The following GIPC2 variants were observed in gnomAD, a reference collection of about 807,000 sequenced individuals.
GIPC2 encodes the protein PDZ domain-containing protein GIPC2.
In GIPC2, 30 loss-of-function variants were observed where a neutral mutation model predicts 30.6. That is an observed-to-expected ratio of 0.98 (90% CI 0.73 to 1.33). The LOEUF (loss-of-function observed/expected upper bound fraction) is 1.33. GIPC2 is among the 40% of genes most tolerant of loss of function. The pLI, the probability that GIPC2 is intolerant of heterozygous loss-of-function variation, is 0.00. For synonymous variants in GIPC2, 167 were observed against 150.0 expected (o/e 1.11, Z -0.83); for missense variants, 414 against 390.3 (o/e 1.06, Z -0.51).
chr1:78,044,984 C>T (rs1661041469), upstream of GIPC2: 1 of 478,422 alleles, frequency 2.1e-6, no homozygotes, highest in Non-Finnish European at 2.7e-6. Flanking sequence ...GTGAATGCAA[C>T]TCCTGGAGAC....
chr1:78,054,212 G>T (rs1453023959), intron 1 of GIPC2, among the ~76,000 whole-genome samples: 1 of 152,130 alleles, frequency 6.6e-6, no homozygotes, highest in Non-Finnish European at 1.5e-5. Flanking sequence ...ACCTGCTATT[G>T]CATGATTTTT....
chr1:78,115,932 A>T (rs532670292), intron 3 of GIPC2, among the ~76,000 whole-genome samples: 2 of 152,372 alleles, frequency 1.3e-5, no homozygotes, highest in African/African-American at 4.8e-5. Context: ...ATAGATTCCT[A>T]ATAGCAAAAC....
At chr1:78,051,091 T>G (rs6677890) in intron 1 of GIPC2, among the ~76,000 whole-genome samples, 138,096 of 151,992 alleles carry the variant, frequency 0.91, 62,922 homozygotes, top group African/African-American at 0.95. Flanking sequence ...TATGTGGAAA[T>G]ATTGTAGGAA....
At chr1:78,132,698 T>TGTGTGTAG (rs1553146045) in intron 5 of GIPC2, among the ~76,000 whole-genome samples, 4 of 150,318 alleles carry the variant, frequency 2.7e-5, no homozygotes, top group East Asian at 2.0e-4. Context: ...TGTGTGTGTG[T>TGTGTGTAG]AGAGAGAGAA....
rs1418414388 is a variant in GIPC2 at position 78,046,305 on chromosome 1, G to C, written c.211G>C (p.Ala71Pro). 6.2e-7 allele frequency: 1 copy of C among 1,611,508 alleles called. No homozygotes were observed. The highest frequency in any genetic ancestry group is 8.5e-7 in the Non-Finnish European group (1 of 1,179,488). ...CATCCAGGAGCTCTACGCCCAGATC[G>C]CGGGCGCGTTTGAAATCTCGCCGTC... ...SSIQELYAQI[A>P]GAFEISPSEI... is the part of the protein sequence containing the mutation. The change falls in exon 1 of 6, where the codon GCG (alanine) becomes CCG (proline). Residue 71 changes from alanine to proline, a missense_variant. Physicochemically the swap from Ala to Pro is conservative, Grantham distance 27. Transcript: ENST00000370759.
At chr1:78,060,966 G>A (rs1314969012) in intron 1 of GIPC2, among the ~76,000 whole-genome samples, 1 of 151,874 alleles carries the variant, frequency 6.6e-6, no homozygotes, top group East Asian at 1.9e-4. Context: ...AGTGGGAGAA[G>A]AACAGGAGTA....
chr1:78,133,015 A>G (rs565826724), intron 5 of GIPC2, among the ~76,000 whole-genome samples: 2 of 152,340 alleles, frequency 1.3e-5, no homozygotes, highest in East Asian at 3.9e-4. Flanking sequence ...TCACCTTAAC[A>G]TTCTGGCTAC....
At position 78,135,816 on chromosome 1, in the gene GIPC2, C is replaced by CTTATAGGACT; in HGVS notation, c.*74_*75insTATAGGACTT. ...TCTTTTTTAAAAAGTCCTATAAGAT[C>CTTATAGGACT]TGTTTTTGGACACCTTTACTAACTC... is the stretch of plus-strand genomic sequence containing the variant. On this transcript the variant is annotated 3_prime_UTR_variant, in exon 6 of 6. Transcript: ENST00000370759. 8.0e-7 allele frequency: 1 copy of CTTATAGGACT among 1,249,972 alleles called. No individual in the cohort carries two copies. The highest frequency in any genetic ancestry group is 1.1e-6 in the Non-Finnish European group (1 of 880,370). The allele number at this position is 1,249,972 out of a possible 1,614,324, so 77.4% of individuals were successfully genotyped here.
chr1:78,091,527 C>G (rs1422825376), intron 2 of GIPC2: 2 of 742,112 alleles, frequency 2.7e-6, no homozygotes, highest in Admixed American at 1.8e-5. Flanking sequence ...TCCAAACAGC[C>G]GTCCGAGGAG....
In GIPC2 at chr1:78,137,888, G is replaced by C. The variant is rs917590016; in HGVS notation, c.*2145G>C. 6.6e-6 allele frequency: 1 copy of C among 151,944 alleles called. No individual in the cohort carries two copies. The highest frequency in any genetic ancestry group is 2.4e-5 in the African/African-American group (1 of 41,338). 9.4% of individuals were successfully genotyped at this position (151,944 alleles called of 1,614,324 possible). A position where few individuals can be genotyped will look rare whatever the true frequency, so the allele number is the denominator to read the frequency against. On this transcript the variant is annotated 3_prime_UTR_variant, in exon 6 of 6. Coordinates refer to ENST00000370759, the MANE Select transcript of GIPC2 (RefSeq NM_017655.6). ...TTTAGTGCAGTCACATAATATATAAGTGTGGGATACCCTTCTGCAGCTTCA... is the reference window on the plus strand; with the variant it reads ...TTTAGTGCAGTCACATAATATATAACTGTGGGATACCCTTCTGCAGCTTCA...
chr1:78,070,387 A>G (rs1328113349), intron 1 of GIPC2, among the ~76,000 whole-genome samples: 4 of 152,340 alleles, frequency 2.6e-5, no homozygotes, highest in Admixed American at 2.6e-4. Flanking sequence ...GAAAGCATGG[A>G]AAATTTAACA....
In GIPC2 at chr1:78,114,084, A is replaced by G. The variant is rs1015226888; in HGVS notation, c.608-5309A>G. Among the ~76,000 whole-genome samples the G allele has an allele frequency of 2.0e-5, 3 of 152,250 alleles. No homozygotes were observed. In the South Asian group the frequency reaches 6.2e-4, roughly 32 times the overall value. ...AGGCTATGTGCAACTCCACTGTGGGAGCGGTTAGGCACCCACAAGCCGTGC... is the reference window on the plus strand; with the variant it reads ...AGGCTATGTGCAACTCCACTGTGGGGGCGGTTAGGCACCCACAAGCCGTGC... On this transcript the variant is annotated intron_variant, in intron 3 of 5. Transcript: ENST00000370759.
chr1:78,045,665 G>A, upstream of GIPC2: 1 of 985,476 alleles, frequency 1.0e-6, no homozygotes, highest in Non-Finnish European at 1.2e-6. Flanking sequence ...ATCCCCGAAA[G>A]TCCAGACGTA....
intron 1 of GIPC2, among the ~76,000 whole-genome samples, chr1:78,048,746 A>T (rs1177725470): frequency 1.3e-5 from 2 of 151,758 alleles, no homozygotes; most frequent in East Asian, 3.9e-4. Context: ...CCATGAAGCT[A>T]TATTGTTACC....
intron 3 of GIPC2, among the ~76,000 whole-genome samples, chr1:78,100,147 A>C (rs1009708186): frequency 6.6e-6 from 1 of 152,244 alleles, no homozygotes; most frequent in African/African-American, 2.4e-5. Context: ...TAATTTGTTC[A>C]GTGTGAGAGA....
upstream of GIPC2, chr1:78,045,930 C>T (rs932105801): frequency 7.4e-7 from 1 of 1,353,982 alleles, no homozygotes. Flanking sequence ...TGCTCCGGTC[C>T]AGGGGTGGAG....
At chr1:78,076,564 A>G (rs1199852283) in intron 1 of GIPC2, among the ~76,000 whole-genome samples, 2 of 152,056 alleles carry the variant, frequency 1.3e-5, no homozygotes, top group Non-Finnish European at 2.9e-5. Flanking sequence ...TCATGCTCCT[A>G]TGAGAGTGTA....
intron 4 of GIPC2, among the ~76,000 whole-genome samples, chr1:78,121,461 G>C (rs1662681932): frequency 6.6e-6 from 1 of 152,114 alleles, no homozygotes; most frequent in African/African-American, 2.4e-5. Context: ...AGAACTTGTT[G>C]GGTGACAAGG....
At position 78,135,868 on chromosome 1, in the gene GIPC2, T is replaced by A; in HGVS notation, c.*125T>A. 2.9e-6 allele frequency: 2 copies of A among 699,106 alleles called. No individual in the cohort carries two copies. Among genetic ancestry groups the A allele is most frequent in the Non-Finnish European group, 4.6e-6 (2 of 437,186 alleles). The allele number at this position is 699,106 out of a possible 1,614,324, so 43.3% of individuals were successfully genotyped here. On this transcript the variant is annotated 3_prime_UTR_variant, in exon 6 of 6. Transcript: ENST00000370759. Reference sequence around the variant, plus strand: ...GGTTTAATTTCATGTGTATGGAATATATTCTTTGAAATATAATTTTGGTAA... The same window carrying A: ...GGTTTAATTTCATGTGTATGGAATAAATTCTTTGAAATATAATTTTGGTAA...
Sources: gnomAD v4.1 joint callset for allele counts (sites outside exome capture counted in the v4.1 genomes callset) on GRCh38, gnomAD v4.1.1 for gene constraint, MANE v1.5 for transcripts, NCBI Gene and HGNC (gene_info 2026-07-23, HGNC 2026-07-21) for gene names.